Variants in ADH5 observed in about 807,000 individuals in gnomAD.
ADH5 encodes the protein alcohol dehydrogenase class-3.
In ADH5, 32 loss-of-function variants were observed where a neutral mutation model predicts 40.3. That is an observed-to-expected ratio of 0.79 (90% CI 0.60 to 1.07). The LOEUF is 1.07. Ranked by LOEUF, ADH5 falls within the 50% of genes least tolerant of loss-of-function variation. The probability of loss-of-function intolerance (pLI) is 0.00; values close to 1 mark genes in which losing one functional copy is unlikely to be tolerated. For missense variants in ADH5, 353 were observed against 460.5 expected, an observed-to-expected ratio of 0.77 and a Z score of 2.14; for synonymous variants, 125 against 154.3, an observed-to-expected ratio of 0.81 and a Z score of 1.41.
At chr4:99,074,272 C>T (rs530280082) in intron 7 of ADH5, among the ~76,000 whole-genome samples, 2 of 152,190 alleles carry the variant, frequency 1.3e-5, no homozygotes, top group Admixed American at 1.3e-4. Flanking sequence ...TTGGGAAATA[C>T]AAACATGTTG....
At chr4:99,079,447 C>G (rs1322442422) in intron 4 of ADH5, among the ~76,000 whole-genome samples, 1 of 152,058 alleles carries the variant, frequency 6.6e-6, no homozygotes, top group Non-Finnish European at 1.5e-5. Flanking sequence ...AGAATCAGGA[C>G]AGTGGTTACC....
At chr4:99,086,003 C>T (rs1728127802) in intron 1 of ADH5, among the ~76,000 whole-genome samples, 1 of 151,930 alleles carries the variant, frequency 6.6e-6, no homozygotes, top group South Asian at 2.1e-4. Flanking sequence ...TGCCACTGCA[C>T]TCCAGCCTGG....
chr4:99,078,783 G>A (rs1727973402), intron 4 of ADH5, among the ~76,000 whole-genome samples: 1 of 152,166 alleles, frequency 6.6e-6, no homozygotes, highest in Non-Finnish European at 1.5e-5. Flanking sequence ...TATTCCAGAG[G>A]AGTTTCTTGA....
rs776874897 is a variant in ADH5 at position 99,088,740 on chromosome 4, G to A, written c.-40C>T. On this transcript the variant is annotated 5_prime_UTR_variant, in exon 1 of 9. Transcript: ENST00000296412. ...GTCGGCGCGGGGGGCTGACATCCGG[G>A]GTGGGCCGCGCAGCGACGGAGGCAT... 251 of 1,601,170 alleles carry A rather than the reference G, an allele frequency of 1.6e-4. 2 individuals are homozygous for A. In the South Asian group the frequency reaches 2.6e-3, roughly 17 times the overall value.
At position 99,081,554 on chromosome 4, in the gene ADH5, T is replaced by TA. The variant is rs1049684045; in HGVS notation, c.257-103dup. Reference sequence around the variant, plus strand: ...GTCAACGGATGTGGCTTTGCAAAGTTAAAAACTTCAAGTCTTAGAACTTTA... The same window carrying TA: ...GTCAACGGATGTGGCTTTGCAAAGTTAAAAAACTTCAAGTCTTAGAACTTTA... On this transcript the variant is annotated intron_variant, in intron 3 of 8. Transcript: ENST00000296412. 100 of 826,712 alleles carry TA rather than the reference T, an allele frequency of 1.2e-4. No individual in the cohort carries two copies. The African/African-American group carries it at 1.4e-3, about 11-fold the overall frequency. The allele number at this position is 826,712 out of a possible 1,614,324, so 51.2% of individuals were successfully genotyped here. A position where few individuals can be genotyped will look rare whatever the true frequency, so the allele number is the denominator to read the frequency against.
chr4:99,084,483 G>C (rs925240983), intron 2 of ADH5, among the ~76,000 whole-genome samples: 2 of 152,162 alleles, frequency 1.3e-5, no homozygotes, highest in African/African-American at 4.8e-5. Context: ...GGTCTAAAAG[G>C]GGGAGGAATC....
intron 4 of ADH5, 134 bp from the exon 5 acceptor site, chr4:99,077,057 T>G: frequency 1.5e-6 from 1 of 669,980 alleles, no homozygotes; most frequent in Non-Finnish European, 2.5e-6. Flanking sequence ...ATATATTCAT[T>G]AGTAATTTAG....
At position 99,086,031 on chromosome 4, in the gene ADH5, C is replaced by T. The variant is rs1048593605; in HGVS notation, c.13-815G>A. 6.0e-4 allele frequency among the ~76,000 whole-genome samples: 38 copies of T among 63,094 alleles called. No homozygotes were observed. The Admixed American group carries it at 6.1e-3, about 10-fold the overall frequency. 41.4% of individuals were successfully genotyped at this position (63,094 alleles called of 152,430 possible). On this transcript the variant is annotated intron_variant, in intron 1 of 8. Transcript: ENST00000296412. ...CAGCCTGGGCAACAGAGCGAGACAT[C>T]GTCTCAAAACAAACAAACAAACAAA...
At position 99,076,308 on chromosome 4, in the gene ADH5, C is replaced by T; in HGVS notation, c.809G>A (p.Gly270Asp). 1 of 1,614,014 alleles carries T rather than the reference C, an allele frequency of 6.2e-7. No homozygotes were observed. The highest frequency in any genetic ancestry group is 8.5e-7 in the Non-Finnish European group (1 of 1,179,896). The part of the protein sequence containing the change: ...GGVDYSFECI[G>D]NVKVMRAALE... ...CATACTCACCATGACCTTCACATTA[C>T]CAATACATTCAAAGGAATAGTCCAC... is the stretch of plus-strand genomic sequence containing the variant. The change falls in exon 6 of 9, where the codon GGT becomes GAT. Residue 270 changes from glycine to aspartate, a missense_variant. Coordinates refer to ENST00000296412, the MANE Select transcript of ADH5 (RefSeq NM_000671.4).
intron 8 of ADH5, 50 bp from the exon 9 acceptor site, chr4:99,072,491 C>T (rs1727853369): frequency 6.2e-7 from 1 of 1,609,892 alleles, no homozygotes; most frequent in Admixed American, 1.7e-5. Flanking sequence ...TTTAAGACAA[C>T]TAAAATTGTG....
At chr4:99,085,380 T>C in intron 1 of ADH5, 164 bp from the exon 2 acceptor site, 1 of 439,406 alleles carries the variant, frequency 2.3e-6, no homozygotes, top group East Asian at 3.4e-5. Flanking sequence ...ACACAAATAG[T>C]ATACATCAAA....
intron 1 of ADH5, chr4:99,085,563 G>A: frequency 3.0e-6 from 1 of 335,138 alleles, no homozygotes; most frequent in Non-Finnish European, 5.9e-6. Context: ...CAAGAAATCT[G>A]CATGCTTAAC....
intron 1 of ADH5, 43 bp downstream of exon 1, chr4:99,088,646 C>T (rs1728198903): frequency 6.3e-7 from 1 of 1,589,966 alleles, no homozygotes; most frequent in Middle Eastern, 1.7e-4. Flanking sequence ...ATGCCATGCA[C>T]TCCCTCCCTT....
At chr4:99,082,322 A>G (rs889888127) in intron 2 of ADH5, among the ~76,000 whole-genome samples, 1 of 152,222 alleles carries the variant, frequency 6.6e-6, no homozygotes, top group African/African-American at 2.4e-5. Flanking sequence ...TTTTAGTGGT[A>G]CATAAAAGCA....
chr4:99,085,033 C>G (rs17028505), intron 2 of ADH5, 82 bp downstream of exon 2: 1 of 619,470 alleles, frequency 1.6e-6, no homozygotes, highest in Non-Finnish European at 2.5e-6. Context: ...GGGATTTATC[C>G]TCTGCAGATC....
chr4:99,087,184 G>C (rs1728159590), intron 1 of ADH5, among the ~76,000 whole-genome samples: 1 of 151,970 alleles, frequency 6.6e-6, no homozygotes, highest in East Asian at 2.0e-4. Context: ...AGGAGTTGGA[G>C]ACCAGCCTGG....
In ADH5 at chr4:99,085,794, T is replaced by C. The variant is rs1479885473; in HGVS notation, c.13-578A>G. On this transcript the variant is annotated intron_variant, in intron 1 of 8. Transcript: ENST00000296412. ...TGCTCACGCCTGTAATCCCAGCACT[T>C]TGGGAGGACAAGGTGGGCAGATCAT... Among the ~76,000 whole-genome samples, 6 of 152,190 alleles carry C rather than the reference T, an allele frequency of 3.9e-5. No homozygotes were observed. In the East Asian group the frequency reaches 9.7e-4, roughly 24 times the overall value.
Position 99,081,002 on chromosome 4 carries a change from C to T in ADH5, c.344+363G>A, listed in dbSNP as rs543486259. Among the ~76,000 whole-genome samples the T allele has an allele frequency of 7.2e-5, 11 of 152,314 alleles. No homozygotes were observed. In the South Asian group the frequency reaches 1.0e-3, roughly 14 times the overall value. On this transcript the variant is annotated intron_variant, in intron 4 of 8. Transcript: ENST00000296412. ...GTGAGCCTTCTCTCTCCCTTTCCCA[C>T]GCATTGTGAAGACTCTGTTTCTCTA...
At chr4:99,087,034 G>A (rs888062661) in intron 1 of ADH5, among the ~76,000 whole-genome samples, 4 of 151,150 alleles carry the variant, frequency 2.6e-5, no homozygotes, top group Admixed American at 2.6e-4. Context: ...GTTATTGGTA[G>A]CAACAGAACA....
Sources: allele counts gnomAD v4.1 joint callset (sites outside exome capture counted in the v4.1 genomes callset), GRCh38; gene constraint gnomAD v4.1.1; transcripts MANE v1.5; gene names NCBI Gene and HGNC (gene_info 2026-07-23, HGNC 2026-07-21).